Variants in LAMA2 observed in about 807,000 individuals in gnomAD.
LAMA2 encodes laminin subunit alpha 2, also known as laminin subunit alpha-2.
Under a neutral mutation model 364.8 loss-of-function variants are expected in LAMA2, and 269 were observed. The ratio of observed to expected loss-of-function variants is 0.74; its 90% CI spans 0.67 to 0.82. LAMA2 has a LOEUF of 0.82. LAMA2 is among the 40% of genes least tolerant of loss of function. The pLI, the probability that LAMA2 is intolerant of heterozygous loss-of-function variation, is 0.00. For missense variants in LAMA2, 3,807 were observed against 3,873.2 expected, an observed-to-expected ratio of 0.98 and a Z score of 0.45; for synonymous variants, 1,379 against 1,370.6, an observed-to-expected ratio of 1.01 and a Z score of -0.14.
Position 128,883,307 on chromosome 6 carries a change from AG to A in LAMA2, c.64del (p.Ala22ArgfsTer23). The A allele has an allele frequency of 6.3e-7, 1 of 1,595,266 alleles. No individual in the cohort carries two copies. The highest frequency in any genetic ancestry group is 8.5e-7 in the Non-Finnish European group (1 of 1,171,168). ...LLLSGGLGGV[Q>X]AQRPQQQRQS... ...CTCTCCGGAGGCCTCGGGGGCGTAC[AG>A]GCGCAGCGGCCGCAGCAGCAGCGGC... On this transcript the variant is annotated frameshift_variant, in exon 1 of 65. Coordinates refer to ENST00000421865, the MANE Select transcript of LAMA2 (RefSeq NM_000426.4). LOFTEE classifies it high-confidence loss of function.
At chr6:129,465,022 G>A in intron 50 of LAMA2, 123 bp from the exon 51 acceptor site, 2 of 800,668 alleles carry the variant, frequency 2.5e-6, no homozygotes, top group Non-Finnish European at 4.3e-6. Context: ...ATGGATTTCT[G>A]CAACAGAGTG....
rs186914867 is a variant in LAMA2 at position 129,069,822 on chromosome 6, T to A, written c.396+9926T>A. Among the ~76,000 whole-genome samples the A allele has an allele frequency of 6.9e-3, 1,008 of 145,264 alleles. 7 individuals carry two copies. The highest frequency in any genetic ancestry group is 0.023 in the African/African-American group (954 of 40,778). On this transcript the variant is annotated intron_variant, in intron 3 of 64. Coordinates refer to ENST00000421865, the MANE Select transcript of LAMA2 (RefSeq NM_000426.4). ...TATAATAAAAATGTGATAAATAATA[T>A]TGTATAATATATAATTATATACAAT...
Position 129,394,798 on chromosome 6 carries a change from G to A in LAMA2, c.5445+1543G>A, listed in dbSNP as rs148080651. Reference sequence around the variant, plus strand: ...CAGTCAATAGTACCTTTAGCTATTCGTTTCTTTTAGTGATGTTTAAAACCA... The same window carrying A: ...CAGTCAATAGTACCTTTAGCTATTCATTTCTTTTAGTGATGTTTAAAACCA... On this transcript the variant is annotated intron_variant, in intron 37 of 64. Transcript: ENST00000421865. Among the ~76,000 whole-genome samples the A allele has an allele frequency of 7.3e-3, 1,116 of 152,260 alleles. 24 individuals are homozygous for A. The highest frequency in any genetic ancestry group is 0.026 in the African/African-American group (1,064 of 41,550).
chr6:129,197,092 C>T (rs1781895096), intron 12 of LAMA2, among the ~76,000 whole-genome samples: 1 of 152,186 alleles, frequency 6.6e-6, no homozygotes, highest in South Asian at 2.1e-4. Context: ...ATACCAAATT[C>T]TAACCTCACT....
chr6:129,466,525 C>A (rs1783552921), intron 51 of LAMA2, among the ~76,000 whole-genome samples: 1 of 151,898 alleles, frequency 6.6e-6, no homozygotes, highest in East Asian at 1.9e-4. Flanking sequence ...CTTTGCAATT[C>A]TTTATTTTGG....
chr6:129,411,694 G>A (rs1780548184), intron 40 of LAMA2, among the ~76,000 whole-genome samples: 1 of 152,084 alleles, frequency 6.6e-6, no homozygotes, highest in African/African-American at 2.4e-5. Context: ...CTGATAAGAA[G>A]CACTGAACTA....
intron 1 of LAMA2, among the ~76,000 whole-genome samples, chr6:129,048,454 T>G (rs1446828112): frequency 1.5e-4 from 7 of 47,116 alleles, no homozygotes; most frequent in African/African-American, 5.4e-4. Context: ...CTTTCTTTCT[T>G]TCTTTCTTTC....
chr6:128,930,335 G>A (rs1048577189), intron 1 of LAMA2, among the ~76,000 whole-genome samples: 1 of 152,160 alleles, frequency 6.6e-6, no homozygotes, highest in Admixed American at 6.5e-5. Flanking sequence ...CATAGATATT[G>A]CAGTTATTCT....
chr6:128,967,354 A>G (rs1781908248), intron 1 of LAMA2, among the ~76,000 whole-genome samples: 1 of 152,228 alleles, frequency 6.6e-6, no homozygotes, highest in Non-Finnish European at 1.5e-5. Context: ...CACTAAAGAA[A>G]GACACAAGGG....
At chr6:129,459,371 C>T (rs1400871431) in intron 48 of LAMA2, among the ~76,000 whole-genome samples, 1 of 152,052 alleles carries the variant, frequency 6.6e-6, no homozygotes, top group Non-Finnish European at 1.5e-5. Context: ...TTACAACAAA[C>T]TTCTCTAGGA....
At chr6:128,909,237 A>G (rs1306994724) in intron 1 of LAMA2, among the ~76,000 whole-genome samples, 7 of 151,902 alleles carry the variant, frequency 4.6e-5, no homozygotes, top group South Asian at 4.2e-4. Flanking sequence ...ACAGTGGGGT[A>G]TTAAAGTCTC....
At chr6:129,424,370 A>G (rs2114734834) in intron 40 of LAMA2, among the ~76,000 whole-genome samples, 1 of 151,822 alleles carries the variant, frequency 6.6e-6, no homozygotes, top group South Asian at 2.1e-4. Context: ...AAAATTAACA[A>G]CTTAAATTTC....
At chr6:129,366,541 A>G (rs1051871332) in intron 33 of LAMA2, among the ~76,000 whole-genome samples, 180 bp downstream of exon 33, 1 of 152,070 alleles carries the variant, frequency 6.6e-6, no homozygotes, top group Non-Finnish European at 1.5e-5. Context: ...TAATATACAG[A>G]TTTCTATTAA....
chr6:128,883,469 A>T, intron 1 of LAMA2, 112 bp downstream of exon 1: 1 of 1,513,400 alleles, frequency 6.6e-7, no homozygotes, highest in Non-Finnish European at 8.9e-7. Context: ...CTTCGCCTTC[A>T]GAGAGTGCGC....
chr6:129,497,475 T>C (rs1316950044), intron 58 of LAMA2, among the ~76,000 whole-genome samples: 1 of 152,164 alleles, frequency 6.6e-6, no homozygotes, highest in African/African-American at 2.4e-5. Context: ...TGGGAAGTGA[T>C]CCACCTGCCT....
chr6:128,929,852 C>T (rs1779345981), intron 1 of LAMA2: 2 of 1,008,702 alleles, frequency 2.0e-6, no homozygotes, highest in Admixed American at 1.7e-5. Flanking sequence ...GAAAAACTTG[C>T]CTGAAGACTT....
intron 1 of LAMA2, among the ~76,000 whole-genome samples, chr6:128,967,660 G>C (rs1234330250): frequency 6.6e-6 from 1 of 152,088 alleles, no homozygotes; most frequent in African/African-American, 2.4e-5. Flanking sequence ...GGTTTGCATG[G>C]GTTCCTAGGA....
At chr6:129,165,790 T>C in intron 9 of LAMA2, 115 bp downstream of exon 9, 1 of 750,030 alleles carries the variant, frequency 1.3e-6, no homozygotes, top group Non-Finnish European at 2.4e-6. Flanking sequence ...AAATTTATTC[T>C]TTAATCTATC....
chr6:129,324,178 A>G (rs1775133807), intron 28 of LAMA2, among the ~76,000 whole-genome samples: 2 of 152,230 alleles, frequency 1.3e-5, no homozygotes, highest in South Asian at 2.1e-4. Context: ...TAAAACAATC[A>G]TGGTATCTTT....
Sources: allele counts gnomAD v4.1 joint callset (sites outside exome capture counted in the v4.1 genomes callset), GRCh38; gene constraint gnomAD v4.1.1; transcripts MANE v1.5; gene names NCBI Gene and HGNC (gene_info 2026-07-23, HGNC 2026-07-21).